NAV2: variants seen among roughly 807,000 people sequenced by gnomAD.
NAV2 encodes helicase, APC down-regulated 1.
NAV2 carries 54 observed loss-of-function variants against 223.2 expected under a neutral mutation model. The observed-to-expected ratio is 0.24, with a 90% CI of 0.19 to 0.30. The LOEUF (loss-of-function observed/expected upper bound fraction) is 0.30, where lower values mean the gene tolerates loss of function less well. Ranked by LOEUF, NAV2 falls within the 10% of genes least tolerant of loss-of-function variation. The pLI is 1.00. For synonymous variants in NAV2, 1,279 were observed against 1,239.3 expected (o/e 1.03, Z -0.67); for missense variants, 2,806 against 3,147.5 (o/e 0.89, Z 2.60).
chr11:19,611,964 G>A (rs189374918), intron 1 of NAV2, among the ~76,000 whole-genome samples: 3 of 152,336 alleles, frequency 2.0e-5, no homozygotes, highest in Admixed American at 2.0e-4. Context: ...TGCCCCTGCA[G>A]CAAACTTTTG....
intron 1 of NAV2, among the ~76,000 whole-genome samples, chr11:19,436,789 C>T (rs556437450): frequency 6.6e-6 from 1 of 151,738 alleles, no homozygotes; most frequent in African/African-American, 2.4e-5. Context: ...TTATGCTTTT[C>T]AGTATACAGA....
chr11:19,718,754 A>G (rs1379710423), intron 1 of NAV2, among the ~76,000 whole-genome samples: 1 of 151,446 alleles, frequency 6.6e-6, no homozygotes, highest in Non-Finnish European at 1.5e-5. Flanking sequence ...AGACACTTTA[A>G]GGGTGGTACT....
chr11:19,865,379 A>G (rs557166069), intron 3 of NAV2, among the ~76,000 whole-genome samples: 5 of 152,274 alleles, frequency 3.3e-5, no homozygotes, highest in African/African-American at 1.2e-4. Context: ...TTTAGAAGAA[A>G]ACCTTAAGGT....
At chr11:19,674,484 G>A (rs2048661974) in intron 1 of NAV2, among the ~76,000 whole-genome samples, 2 of 152,192 alleles carry the variant, frequency 1.3e-5, no homozygotes, top group African/African-American at 4.8e-5. Context: ...GGAAAAAAGG[G>A]TATATGCCTC....
intron 1 of NAV2, among the ~76,000 whole-genome samples, chr11:19,567,815 T>A (rs925050578): frequency 1.3e-5 from 2 of 152,170 alleles, no homozygotes; most frequent in Non-Finnish European, 2.9e-5. Context: ...TCCAGGAACC[T>A]ACTCACAGTC....
chr11:19,401,626 G>A (rs1169039380), intron 1 of NAV2, among the ~76,000 whole-genome samples: 1 of 152,146 alleles, frequency 6.6e-6, no homozygotes, highest in Non-Finnish European at 1.5e-5. Flanking sequence ...TCCAGAAGAT[G>A]CAGGGAAAAT....
chr11:19,961,578 G>A (rs981633747), intron 10 of NAV2, among the ~76,000 whole-genome samples: 5 of 152,186 alleles, frequency 3.3e-5, no homozygotes, highest in Non-Finnish European at 5.9e-5. Context: ...AATGGAAATG[G>A]AAGAAACTTT....
chr11:19,860,094 T>C (rs2061642370), intron 3 of NAV2, among the ~76,000 whole-genome samples: 1 of 116,330 alleles, frequency 8.6e-6, no homozygotes. Flanking sequence ...GCAGAGGGGC[T>C]CCTCACTTCC....
At chr11:19,449,829 C>T (rs1002228343) in intron 1 of NAV2, among the ~76,000 whole-genome samples, 3 of 151,800 alleles carry the variant, frequency 2.0e-5, no homozygotes, top group Non-Finnish European at 4.4e-5. Flanking sequence ...GGTGACCCCC[C>T]TCCCACCCCC....
chr11:19,433,903 T>C (rs947588548), intron 1 of NAV2, among the ~76,000 whole-genome samples: 12 of 152,250 alleles, frequency 7.9e-5, no homozygotes, highest in African/African-American at 2.9e-4. Context: ...GAGTAAATAA[T>C]GCTGGCTGCT....
intron 1 of NAV2, among the ~76,000 whole-genome samples, chr11:19,801,684 C>T (rs1365377497): frequency 2.6e-5 from 4 of 152,142 alleles, no homozygotes; most frequent in Non-Finnish European, 5.9e-5. Context: ...CTTCTGGAGG[C>T]ACAGTGACAA....
At chr11:19,773,250 A>G (rs977589629) in intron 1 of NAV2, among the ~76,000 whole-genome samples, 2 of 152,194 alleles carry the variant, frequency 1.3e-5, no homozygotes, top group African/African-American at 4.8e-5. Flanking sequence ...TGATTGAACG[A>G]TGTGGGACAG....
chr11:19,806,237 T>C (rs1170837286), intron 1 of NAV2, among the ~76,000 whole-genome samples: 1 of 152,244 alleles, frequency 6.6e-6, no homozygotes, highest in Non-Finnish European at 1.5e-5. Context: ...GGTTGAATTC[T>C]CCAGTGAACA....
chr11:19,517,830 A>G (rs2043507097), intron 1 of NAV2, among the ~76,000 whole-genome samples: 1 of 152,232 alleles, frequency 6.6e-6, no homozygotes, highest in Non-Finnish European at 1.5e-5. Flanking sequence ...GAGGATTTCT[A>G]CTGATAGAGA....
At chr11:19,609,567 G>T (rs2046576294) in intron 1 of NAV2, among the ~76,000 whole-genome samples, 2 of 152,166 alleles carry the variant, frequency 1.3e-5, no homozygotes, top group Non-Finnish European at 2.9e-5. Context: ...ATTCATCCTG[G>T]CGCTGCAGTT....
chr11:19,376,901 T>G (rs1303904759), intron 1 of NAV2, among the ~76,000 whole-genome samples: 1 of 152,218 alleles, frequency 6.6e-6, no homozygotes, highest in Non-Finnish European at 1.5e-5. Flanking sequence ...TGTCCCAGTT[T>G]CCTAGGCACC....
intron 35 of NAV2, among the ~76,000 whole-genome samples, chr11:20,107,093 T>G (rs1163015757): frequency 1.7e-5 from 1 of 58,842 alleles, no homozygotes; most frequent in Admixed American, 2.8e-4. Context: ...TTTTTTTTTT[T>G]TTAGGACGGA....
chr11:19,819,839 C>T (rs1436026839), intron 1 of NAV2, among the ~76,000 whole-genome samples: 1 of 152,234 alleles, frequency 6.6e-6, no homozygotes, highest in Non-Finnish European at 1.5e-5. Flanking sequence ...GCCACAAAGC[C>T]TCAGTGTAGT....
intron 18 of NAV2, 147 bp from the exon 19 acceptor site, chr11:20,055,622 G>C (rs888669936): frequency 5.7e-6 from 4 of 703,754 alleles, no homozygotes; most frequent in Admixed American, 2.9e-5. Context: ...CTCAAATGCT[G>C]ATGGGACTAC....
Sources: allele counts gnomAD v4.1 joint callset (sites outside exome capture counted in the v4.1 genomes callset), GRCh38; gene constraint gnomAD v4.1.1; transcripts MANE v1.5; gene names NCBI Gene and HGNC (gene_info 2026-07-23, HGNC 2026-07-21).